The following SNX29 variants were observed in gnomAD, a reference collection of about 807,000 sequenced individuals.
SNX29 encodes sorting nexin-29.
A neutral mutation model predicts 102.1 loss-of-function variants in SNX29; 78 were observed. The ratio of observed to expected loss-of-function variants is 0.76; its 90% CI spans 0.64 to 0.92. The LOEUF (loss-of-function observed/expected upper bound fraction) is 0.92, where lower values mean the gene tolerates loss of function less well. SNX29 is among the 40% of genes least tolerant of loss of function. SNX29 has a pLI of 0.00. For synonymous variants in SNX29, 580 were observed against 414.5 expected, an observed-to-expected ratio of 1.40 and a Z score of -4.85; for missense variants, 1,280 against 1,061.7, an observed-to-expected ratio of 1.21 and a Z score of -2.86.
At chr16:12,083,234 A>C in intron 11 of SNX29, among the ~76,000 whole-genome samples, 1 of 150,968 alleles carries the variant, frequency 6.6e-6, no homozygotes, top group East Asian at 1.9e-4. Context: ...TGAACCTGGG[A>C]GGCAAAGGCT....
intron 13 of SNX29, among the ~76,000 whole-genome samples, chr16:12,154,111 C>G (rs1457957330): frequency 6.6e-6 from 1 of 152,178 alleles, no homozygotes; most frequent in African/African-American, 2.4e-5. Flanking sequence ...TTCCCTCTCT[C>G]CCTACCTTCC....
chr16:12,228,495 T>C (rs1168007074), intron 14 of SNX29, among the ~76,000 whole-genome samples: 1 of 152,210 alleles, frequency 6.6e-6, no homozygotes, highest in Non-Finnish European at 1.5e-5. Flanking sequence ...CTTACCCCTT[T>C]CTTTACAACA....
At chr16:12,536,412 C>G (rs537060571) in intron 20 of SNX29, among the ~76,000 whole-genome samples, 48 of 152,066 alleles carry the variant, frequency 3.2e-4, no homozygotes, top group African/African-American at 1.1e-3. Flanking sequence ...AGAATGGCCT[C>G]ATCAGTAAGG....
intron 14 of SNX29, among the ~76,000 whole-genome samples, chr16:12,262,248 A>C (rs2078796411): frequency 6.6e-6 from 1 of 152,212 alleles, no homozygotes; most frequent in Non-Finnish European, 1.5e-5. Context: ...TTAGAACTGA[A>C]ATTGACTCAA....
chr16:12,170,808 TG>T (rs1365663696), intron 13 of SNX29, among the ~76,000 whole-genome samples: 1 of 151,120 alleles, frequency 6.6e-6, no homozygotes, highest in African/African-American at 2.4e-5. Flanking sequence ...TGTGTGTGTA[TG>T]GGGTGTGTGA....
chr16:12,547,727 C>G (rs897686714), intron 20 of SNX29, among the ~76,000 whole-genome samples: 1 of 152,278 alleles, frequency 6.6e-6, no homozygotes, highest in African/African-American at 2.4e-5. Context: ...TGGCACCCAT[C>G]ACTGCCCCTC....
chr16:12,144,528 A>G (rs1223637170), intron 13 of SNX29, among the ~76,000 whole-genome samples: 2 of 152,230 alleles, frequency 1.3e-5, no homozygotes, highest in African/African-American at 4.8e-5. Flanking sequence ...TAAAAGGGCT[A>G]GCTGGGCTCC....
At position 12,258,244 on chromosome 16, in the gene SNX29, C is replaced by T. The variant is rs532710843; in HGVS notation, c.1679-19689C>T. Among the ~76,000 whole-genome samples the T allele has an allele frequency of 2.6e-5, 4 of 152,342 alleles. No homozygotes were observed. The East Asian group carries it at 7.7e-4, about 29-fold the overall frequency. On this transcript the variant is annotated intron_variant, in intron 14 of 20. Coordinates refer to ENST00000566228, the MANE Select transcript of SNX29 (RefSeq NM_032167.5). ...CCCCGTGTCATCTGCCGCCACCTGC[C>T]GTCCTGCTCTGACCTGTCACCTCGT...
chr16:12,150,538 C>G (rs1273973593), intron 13 of SNX29, among the ~76,000 whole-genome samples: 1 of 152,238 alleles, frequency 6.6e-6, no homozygotes, highest in African/African-American at 2.4e-5. Context: ...CATTGAGGAG[C>G]AGACCTTTTG....
At position 12,362,562 on chromosome 16, in the gene SNX29, A is replaced by ACCCC. The variant is rs796459458; in HGVS notation, c.1899+6291_1899+6294dup. 3.5e-4 allele frequency among the ~76,000 whole-genome samples: 7 copies of ACCCC among 19,990 alleles called. 1 individual carries two copies. Among genetic ancestry groups the ACCCC allele is most frequent in the Admixed American group, 7.8e-4 (1 of 1,286 alleles). The allele number at this position is 19,990 out of a possible 152,430, so 13.1% of individuals were successfully genotyped here. A position where few individuals can be genotyped will look rare whatever the true frequency, so the allele number is the denominator to read the frequency against. On this transcript the variant is annotated intron_variant, in intron 16 of 20. Transcript: ENST00000566228. ...ATTTTGGCTGCTGCACTCCCCCCCC[A>ACCCC]CCCCCCCCCCCACCAGTTTCTCCTC... is the stretch of plus-strand genomic sequence containing the variant.
intron 20 of SNX29, among the ~76,000 whole-genome samples, chr16:12,565,475 C>CA (rs1174955739): frequency 6.6e-6 from 1 of 152,200 alleles, no homozygotes; most frequent in Non-Finnish European, 1.5e-5. Context: ...CTCAAACCAT[C>CA]ACAGCACCCC....
At chr16:12,237,900 A>C (rs1395079337) in intron 14 of SNX29, among the ~76,000 whole-genome samples, 12 of 151,854 alleles carry the variant, frequency 7.9e-5, no homozygotes, top group African/African-American at 2.9e-4. Flanking sequence ...AAGAGTGAAA[A>C]CTCCTTTTCT....
At chr16:12,090,720 T>A (rs1486783710) in intron 11 of SNX29, among the ~76,000 whole-genome samples, 1 of 151,980 alleles carries the variant, frequency 6.6e-6, no homozygotes, top group Admixed American at 6.6e-5. Flanking sequence ...CTTCAAAGAG[T>A]GCCTGGAAGG....
chr16:12,037,017 G>T (rs1263636635), intron 4 of SNX29, among the ~76,000 whole-genome samples: 2 of 152,150 alleles, frequency 1.3e-5, no homozygotes, highest in Non-Finnish European at 2.9e-5. Context: ...CTGTGGTTGG[G>T]TGTCTTTCCG....
chr16:12,377,172 T>G (rs911140093), intron 16 of SNX29, among the ~76,000 whole-genome samples: 2 of 152,248 alleles, frequency 1.3e-5, no homozygotes, highest in Admixed American at 1.3e-4. Context: ...GCTTTACGTC[T>G]CTGAGCCTCA....
intron 18 of SNX29, among the ~76,000 whole-genome samples, chr16:12,472,488 C>T (rs1183038865): frequency 7.1e-6 from 1 of 139,906 alleles, no homozygotes; most frequent in Non-Finnish European, 1.5e-5. Flanking sequence ...CACTGCACTT[C>T]AGCCTGGGTG....
chr16:12,412,403 C>T (rs966617928), intron 18 of SNX29, among the ~76,000 whole-genome samples: 1 of 152,212 alleles, frequency 6.6e-6, no homozygotes, highest in African/African-American at 2.4e-5. Flanking sequence ...GTTTCCATAA[C>T]ATGTTTCCTG....
chr16:12,103,116 T>C (rs2053089846), intron 11 of SNX29, among the ~76,000 whole-genome samples: 1 of 152,182 alleles, frequency 6.6e-6, no homozygotes, highest in African/African-American at 2.4e-5. Context: ...ATTGTGAAAA[T>C]GGCCATACTG....
At chr16:12,533,593 A>G (rs2076989368) in intron 20 of SNX29, among the ~76,000 whole-genome samples, 1 of 152,124 alleles carries the variant, frequency 6.6e-6, no homozygotes, top group Admixed American at 6.5e-5. Flanking sequence ...TATTATTTGG[A>G]GGGAGGAGAC....
Sources: allele counts gnomAD v4.1 joint callset (sites outside exome capture counted in the v4.1 genomes callset), GRCh38; gene constraint gnomAD v4.1.1; transcripts MANE v1.5; gene names NCBI Gene and HGNC (gene_info 2026-07-23, HGNC 2026-07-21).